SPAG16: variants seen among roughly 807,000 people sequenced by gnomAD.
SPAG16 encodes sperm-associated antigen 16 protein.
A neutral mutation model predicts 80.4 loss-of-function variants in SPAG16; 86 were observed. The observed-to-expected ratio is 1.07, with a 90% CI of 0.90 to 1.28. SPAG16 has a LOEUF of 1.28. Among genes scored for constraint, SPAG16 ranks in the 50% most tolerant of loss-of-function variants. The pLI is 0.00. For synonymous variants in SPAG16, 294 were observed against 265.9 expected, an observed-to-expected ratio of 1.11 and a Z score of -1.03; for missense variants, 870 against 765.3, an observed-to-expected ratio of 1.14 and a Z score of -1.61.
intron 15 of SPAG16, among the ~76,000 whole-genome samples, chr2:214,291,304 T>TTC (rs1200372421): frequency 2.5e-5 from 3 of 117,882 alleles, no homozygotes; most frequent in African/African-American, 3.5e-5. Flanking sequence ...ATGTTTCTTT[T>TTC]TTTTTTTTTT....
chr2:213,674,332 T>C (rs891068416), intron 10 of SPAG16, among the ~76,000 whole-genome samples: 1 of 152,134 alleles, frequency 6.6e-6, no homozygotes, highest in Non-Finnish European at 1.5e-5. Flanking sequence ...AAAGTCATTG[T>C]AATCTAAAAT....
At chr2:214,115,893 A>G (rs1438538633) in intron 14 of SPAG16, among the ~76,000 whole-genome samples, 2 of 151,538 alleles carry the variant, frequency 1.3e-5, no homozygotes, top group African/African-American at 4.8e-5. Flanking sequence ...AAAAAAAAAA[A>G]AAAAGTAACC....
intron 12 of SPAG16, among the ~76,000 whole-genome samples, chr2:213,936,548 G>C (rs1309747264): frequency 2.6e-5 from 4 of 152,158 alleles, no homozygotes; most frequent in African/African-American, 7.2e-5. Flanking sequence ...TCAGCCATGA[G>C]AATAGTGAAA....
chr2:213,960,544 T>A (rs964112590), intron 12 of SPAG16, among the ~76,000 whole-genome samples: 3 of 152,192 alleles, frequency 2.0e-5, no homozygotes, highest in Non-Finnish European at 2.9e-5. Context: ...TGTGGTTTTT[T>A]AAAAATTATT....
At chr2:213,522,431 G>A (rs1208608192) in intron 10 of SPAG16, among the ~76,000 whole-genome samples, 3 of 152,156 alleles carry the variant, frequency 2.0e-5, no homozygotes, top group African/African-American at 7.2e-5. Context: ...AAGGGGGGTG[G>A]GAAGAGAGAA....
chr2:213,915,950 A>C (rs1307390330), intron 11 of SPAG16, among the ~76,000 whole-genome samples: 2 of 151,920 alleles, frequency 1.3e-5, no homozygotes, highest in African/African-American at 2.4e-5. Flanking sequence ...TTCTTCACCT[A>C]CTTTTTGATG....
At chr2:213,376,643 C>T (rs768854845) in intron 9 of SPAG16, among the ~76,000 whole-genome samples, 10 of 151,652 alleles carry the variant, frequency 6.6e-5, no homozygotes, top group South Asian at 4.2e-4. Flanking sequence ...TTGACTCCGC[C>T]GTAACAAAGA....
chr2:214,166,003 C>G (rs932206964), intron 15 of SPAG16, among the ~76,000 whole-genome samples: 2 of 152,058 alleles, frequency 1.3e-5, no homozygotes, highest in Admixed American at 6.6e-5. Context: ...TGAAGATTAT[C>G]TGAAAATAAA....
At chr2:214,028,217 G>GT (rs1454268608) in intron 13 of SPAG16, among the ~76,000 whole-genome samples, 1 of 151,988 alleles carries the variant, frequency 6.6e-6, no homozygotes, top group African/African-American at 2.4e-5. Context: ...GAAAATGGTG[G>GT]TGAGTTTGTG....
chr2:213,404,515 C>G (rs1448920450), intron 9 of SPAG16, among the ~76,000 whole-genome samples: 3 of 152,104 alleles, frequency 2.0e-5, no homozygotes, highest in African/African-American at 4.8e-5. Context: ...ATGTAGAAAG[C>G]TGAAACTGGA....
At chr2:213,965,966 C>A (rs1215024044) in intron 12 of SPAG16, among the ~76,000 whole-genome samples, 1 of 152,112 alleles carries the variant, frequency 6.6e-6, no homozygotes, top group East Asian at 1.9e-4. Context: ...TGATGGGACC[C>A]AGAATAATAA....
At chr2:213,543,061 C>T (rs2076505872) in intron 10 of SPAG16, among the ~76,000 whole-genome samples, 1 of 151,864 alleles carries the variant, frequency 6.6e-6, no homozygotes, top group South Asian at 2.1e-4. Flanking sequence ...ACAAATTTTC[C>T]AAATGTTTAA....
intron 15 of SPAG16, among the ~76,000 whole-genome samples, chr2:214,189,244 A>G (rs2125692135): frequency 6.6e-6 from 1 of 152,232 alleles, no homozygotes; most frequent in African/African-American, 2.4e-5. Flanking sequence ...TCAAACTAGC[A>G]AATGGAACTA....
intron 12 of SPAG16, among the ~76,000 whole-genome samples, chr2:213,950,994 A>G (rs115318699): frequency 0.15 from 21,980 of 148,472 alleles, 2,004 homozygotes; most frequent in Non-Finnish European, 0.21. Flanking sequence ...TTACAGGTGT[A>G]AGCCACCACG....
intron 11 of SPAG16, among the ~76,000 whole-genome samples, chr2:213,902,469 C>A (rs1397605107): frequency 6.6e-6 from 1 of 152,152 alleles, no homozygotes; most frequent in Non-Finnish European, 1.5e-5. Context: ...GGTGCCAAAG[C>A]AGAAACCCCT....
At chr2:214,362,654 A>G (rs1699254599) in intron 15 of SPAG16, among the ~76,000 whole-genome samples, 1 of 151,976 alleles carries the variant, frequency 6.6e-6, no homozygotes, top group Non-Finnish European at 1.5e-5. Context: ...AACAATTACT[A>G]TTTAATGAGA....
chr2:213,489,469 A>G (rs1185171538), intron 9 of SPAG16, among the ~76,000 whole-genome samples: 2 of 152,134 alleles, frequency 1.3e-5, no homozygotes, highest in African/African-American at 4.8e-5. Context: ...GTGTTTTTAA[A>G]TTAGTACTGT....
intron 12 of SPAG16, among the ~76,000 whole-genome samples, chr2:214,011,791 G>A (rs2047292754): frequency 6.6e-6 from 1 of 152,082 alleles, no homozygotes; most frequent in Non-Finnish European, 1.5e-5. Context: ...GCTTTGATGA[G>A]AAAGGGAAGT....
At chr2:213,776,800 A>G (rs2069606588) in intron 10 of SPAG16, among the ~76,000 whole-genome samples, 1 of 151,354 alleles carries the variant, frequency 6.6e-6, no homozygotes, top group Non-Finnish European at 1.5e-5. Context: ...AGGAGATCTC[A>G]TAATATCTTA....
Sources: gnomAD v4.1 joint callset for allele counts (sites outside exome capture counted in the v4.1 genomes callset) on GRCh38, gnomAD v4.1.1 for gene constraint, MANE v1.5 for transcripts, NCBI Gene and HGNC (gene_info 2026-07-23, HGNC 2026-07-21) for gene names.